The following C2CD2L variants were observed in gnomAD, a reference collection of about 807,000 sequenced individuals.
C2CD2L encodes the protein phospholipid transfer protein C2CD2L.
In C2CD2L, 24 loss-of-function variants were observed where a neutral mutation model predicts 69.9. The observed-to-expected ratio is 0.34, with a 90% CI of 0.25 to 0.48. The LOEUF (loss-of-function observed/expected upper bound fraction) is 0.48. Ranked by LOEUF, C2CD2L falls within the 20% of genes least tolerant of loss-of-function variation. The pLI is 0.99. For missense variants in C2CD2L, 811 were observed against 941.5 expected (o/e 0.86, Z 1.81); for synonymous variants, 367 against 391.0 (o/e 0.94, Z 0.72).
intron 1 of C2CD2L, among the ~76,000 whole-genome samples, chr11:119,108,523 C>G (rs1449991552): frequency 6.6e-6 from 1 of 152,112 alleles, no homozygotes; most frequent in African/African-American, 2.4e-5. Context: ...CCCCAAGGAG[C>G]CTGAATCACC....
At position 119,109,373 on chromosome 11, in the gene C2CD2L, T is replaced by G. The variant is rs934180605; in HGVS notation, c.355-731T>G. 7.2e-5 allele frequency among the ~76,000 whole-genome samples: 11 copies of G among 152,362 alleles called. No homozygotes were observed. Among genetic ancestry groups the G allele is most frequent in the African/African-American group, 2.6e-4 (11 of 41,572 alleles). ...GGCTGCGGTAGGTTGCTTCCATTAC[T>G]GTGGACGAATTAGGGAGCAGCTCTT... On this transcript the variant is annotated intron_variant, in intron 1 of 13. Transcript: ENST00000648610. This position sits in a 1 kb window ranked among gnomAD's most constrained non-coding sequence, Gnocchi z 5.1.
At position 119,112,553 on chromosome 11, in the gene C2CD2L, C is replaced by T; in HGVS notation, c.1156C>T (p.Pro386Ser). Residue 386 changes from proline (P) to serine (S), a missense_variant, in exon 9 of 14, where the codon CCA becomes TCA. By Grantham distance (74) the Pro-to-Ser change is moderately conservative. Transcript: ENST00000648610. ...SRPLSRRQLC[P>S]LTPGPGKALG... ...ACCACTGTCTCGAAGACAGTTGTGC[C>T]CACTCACCCCAGGGCCAGGGAAAGC... is the stretch of plus-strand genomic sequence containing the variant. 1 of 1,613,230 alleles carries T rather than the reference C, an allele frequency of 6.2e-7. No individual in the cohort carries two copies. The highest frequency in any genetic ancestry group is 8.5e-7 in the Non-Finnish European group (1 of 1,179,786).
upstream of C2CD2L, among the ~76,000 whole-genome samples, chr11:119,103,482 A>T (rs1946542129): frequency 6.6e-6 from 1 of 152,128 alleles, no homozygotes; most frequent in South Asian, 2.1e-4. Context: ...GGCTCACTTG[A>T]GGTCAGGAGT....
Position 119,112,737 on chromosome 11 carries a change from C to T in C2CD2L, c.1250C>T (p.Thr417Ile). The T allele has an allele frequency of 6.2e-7, 1 of 1,613,986 alleles. No homozygotes were observed. Residue 417 changes from threonine to isoleucine, a missense_variant, in exon 10 of 14, where the codon ACT (threonine) becomes ATT (isoleucine). By Grantham distance (89) the Thr-to-Ile change is moderately conservative. Transcript: ENST00000648610. ...GAGGGCTCTCCCCGGAACCTGGGTACTCCCACCTCCTCCACTCCACGCCCC... is the reference window on the plus strand; with the variant it reads ...GAGGGCTCTCCCCGGAACCTGGGTATTCCCACCTCCTCCACTCCACGCCCC... ...YEEGSPRNLG[T>I]PTSSTPRPSI...
chr11:119,111,010 T>TGG, intron 4 of C2CD2L, 42 bp from the exon 5 acceptor site: 1 of 1,612,886 alleles, frequency 6.2e-7, no homozygotes, highest in South Asian at 1.1e-5. Flanking sequence ...GAGGCAGAGG[T>TGG]GGGGGATCCA....
rs776688172 is a variant in C2CD2L at position 119,113,835 on chromosome 11, A to C, written c.1490-20A>C. 1.9e-6 allele frequency: 3 copies of C among 1,613,064 alleles called. No homozygotes were observed. In the Admixed American group the frequency reaches 5.0e-5, roughly 27 times the overall value. On this transcript the variant is annotated intron_variant, in intron 11 of 13. Coordinates refer to ENST00000648610, the MANE Select transcript of C2CD2L (RefSeq NM_001290474.2). ...GAGCCAGGGAGAAGTCAGGTTATTCATTCTCTGCACCCCTAGCAGGGGACA... is the reference window on the plus strand; with the variant it reads ...GAGCCAGGGAGAAGTCAGGTTATTCCTTCTCTGCACCCCTAGCAGGGGACA...
In C2CD2L at chr11:119,114,143, G is replaced by C. The variant is rs530969539; in HGVS notation, c.1687G>C (p.Val563Leu). The change falls in exon 13 of 14, where the codon GTG becomes CTG. Residue 563 changes from valine (V) to leucine (L), a missense_variant. Coordinates refer to ENST00000648610, the MANE Select transcript of C2CD2L (RefSeq NM_001290474.2). This position sits in a 1 kb window ranked among gnomAD's most constrained non-coding sequence, Gnocchi z 5.1. ...LGYAASLEAS[V>L]QDDAGTSGGP... ...CTATGCGGCATCCCTGGAAGCCTCA[G>C]TGCAGGATGATGCAGGGACCAGCGG... is the stretch of plus-strand genomic sequence containing the variant. 1.9e-5 allele frequency: 31 copies of C among 1,614,148 alleles called. No homozygotes were observed. In the Admixed American group the frequency reaches 4.5e-4, roughly 23 times the overall value.
rs1946830303 is a variant in C2CD2L, at chr11:119,114,290, C to T, written c.1834C>T (p.Pro612Ser). 1 of 1,614,050 alleles carries T rather than the reference C, an allele frequency of 6.2e-7. No homozygotes were observed. Among genetic ancestry groups the T allele is most frequent in the African/African-American group, 1.3e-5 (1 of 74,908 alleles). Residue 612 changes from proline (P) to serine (S), a missense_variant, in exon 13 of 14, where the codon CCA becomes TCA. Coordinates refer to ENST00000648610, the MANE Select transcript of C2CD2L (RefSeq NM_001290474.2). This position sits in a 1 kb window ranked among gnomAD's most constrained non-coding sequence, Gnocchi z 5.1. ...ETTRSDISERPSVDDIESETG... is the reference protein window; with the variant it reads ...ETTRSDISERSSVDDIESETG... ...AACCCGTTCGGATATTTCTGAGAGGCCATCTGTGGATGATATTGAGTCGGA... is the reference window on the plus strand; with the variant it reads ...AACCCGTTCGGATATTTCTGAGAGGTCATCTGTGGATGATATTGAGTCGGA...
upstream of C2CD2L, chr11:119,102,296 G>A (rs1289947976): frequency 2.1e-6 from 1 of 472,874 alleles, no homozygotes; most frequent in Non-Finnish European, 4.4e-6. Context: ...GAAAGGCAGG[G>A]GGTGGGGAGG....
In C2CD2L at chr11:119,114,510, G is replaced by A; in HGVS notation, c.1909+145G>A. On this transcript the variant is annotated intron_variant, in intron 13 of 13. Transcript: ENST00000648610. The surrounding 1 kb of genome is among the most constrained non-coding windows in gnomAD (Gnocchi z 5.1). Reference sequence around the variant, plus strand: ...CTAGTTCAGCCAAGCTAGCCTAGAGGGGGATCTTGGTGCCTTGGTTCCTGG... The same window carrying A: ...CTAGTTCAGCCAAGCTAGCCTAGAGAGGGATCTTGGTGCCTTGGTTCCTGG... 3 of 759,614 alleles carry A rather than the reference G, an allele frequency of 3.9e-6. No homozygotes were observed. Among genetic ancestry groups the A allele is most frequent in the Non-Finnish European group, 6.3e-6 (3 of 472,886 alleles). 47.1% of individuals were successfully genotyped at this position (759,614 alleles called of 1,614,324 possible). A position where few individuals can be genotyped will look rare whatever the true frequency, so the allele number is the denominator to read the frequency against.
In C2CD2L at chr11:119,114,173, C is replaced by T; in HGVS notation, c.1717C>T (p.Pro573Ser). ...GGATGATGCAGGGACCAGCGGAGGC[C>T]CCTCTTCACCTCCCTCAGACCCACC... ...VQDDAGTSGG[P>S]SSPPSDPPAM... The change falls in exon 13 of 14, where the codon CCC (proline) becomes TCC (serine). Residue 573 changes from proline to serine, a missense_variant. Pro to Ser is a moderately conservative substitution (Grantham distance 74). Transcript: ENST00000648610. The surrounding 1 kb of genome is among the most constrained non-coding windows in gnomAD (Gnocchi z 5.1). 1 of 1,614,106 alleles carries T rather than the reference C, an allele frequency of 6.2e-7. No individual in the cohort carries two copies. The highest frequency in any genetic ancestry group is 8.5e-7 in the Non-Finnish European group (1 of 1,180,004).
In C2CD2L at chr11:119,110,238, G is replaced by A. The variant is rs771956672; in HGVS notation, c.450+39G>A. On this transcript the variant is annotated intron_variant, in intron 2 of 13. Coordinates refer to ENST00000648610, the MANE Select transcript of C2CD2L (RefSeq NM_001290474.2). This position sits in a 1 kb window ranked among gnomAD's most constrained non-coding sequence, Gnocchi z 5.7. ...GGGCACTGCCCTCTTTGGGGTCCAA[G>A]AAGGACTGACCCCAAGGGCTCCCTT... is the stretch of plus-strand genomic sequence containing the variant. 20 of 1,451,064 alleles carry A rather than the reference G, an allele frequency of 1.4e-5. No individual in the cohort carries two copies. Among genetic ancestry groups the A allele is most frequent in the African/African-American group, 5.6e-5 (4 of 71,610 alleles). The allele number at this position is 1,451,064 out of a possible 1,614,324, so 89.9% of individuals were successfully genotyped here.
intron 10 of C2CD2L, chr11:119,113,371 C>A: frequency 1.8e-6 from 1 of 549,044 alleles, no homozygotes; most frequent in Non-Finnish European, 3.2e-6. Context: ...GTCCCCGCTC[C>A]ATATTTTCAT....
Position 119,110,234 on chromosome 11 carries a change from C to A in C2CD2L, c.450+35C>A. The A allele has an allele frequency of 1.4e-6, 2 of 1,475,200 alleles. No individual in the cohort carries two copies. The highest frequency in any genetic ancestry group is 2.3e-5 in the South Asian group (2 of 88,270). The allele number at this position is 1,475,200 out of a possible 1,614,324, so 91.4% of individuals were successfully genotyped here. ...TGATGGGCACTGCCCTCTTTGGGGT[C>A]CAAGAAGGACTGACCCCAAGGGCTC... is the stretch of plus-strand genomic sequence containing the variant. On this transcript the variant is annotated intron_variant, in intron 2 of 13. Coordinates refer to ENST00000648610, the MANE Select transcript of C2CD2L (RefSeq NM_001290474.2). This position sits in a 1 kb window ranked among gnomAD's most constrained non-coding sequence, Gnocchi z 5.7.
In C2CD2L at chr11:119,116,365, G is replaced by A. The variant is rs916005021; in HGVS notation, c.*109G>A. On this transcript the variant is annotated 3_prime_UTR_variant, in exon 14 of 14. Coordinates refer to ENST00000648610, the MANE Select transcript of C2CD2L (RefSeq NM_001290474.2). ...GGGCCAGGAAAGCCCTCTGGGTTCCGGGAAGCCCCGTCCACCCTGGGCCAT... is the reference window on the plus strand; with the variant it reads ...GGGCCAGGAAAGCCCTCTGGGTTCCAGGAAGCCCCGTCCACCCTGGGCCAT... The A allele has an allele frequency of 8.7e-6, 8 of 914,942 alleles. No individual in the cohort carries two copies. Among genetic ancestry groups the A allele is most frequent in the African/African-American group, 6.6e-5 (4 of 60,952 alleles). 56.7% of individuals were successfully genotyped at this position (914,942 alleles called of 1,614,324 possible). A position where few individuals can be genotyped will look rare whatever the true frequency, so the allele number is the denominator to read the frequency against.
chr11:119,118,207 T>A lies in C2CD2L; in HGVS notation c.*1951T>A, dbSNP rs1946937759. 6.6e-6 allele frequency: 1 copy of A among 152,210 alleles called. No individual in the cohort carries two copies. Among genetic ancestry groups the A allele is most frequent in the Non-Finnish European group, 1.5e-5 (1 of 68,040 alleles). The allele number at this position is 152,210 out of a possible 1,614,324, so 9.4% of individuals were successfully genotyped here. Reference sequence around the variant, plus strand: ...GTGCGCATCGCCCAAATAGTGAACATCATACCCAATAGGTAGTTTTTCAAC... The same window carrying A: ...GTGCGCATCGCCCAAATAGTGAACAACATACCCAATAGGTAGTTTTTCAAC... On this transcript the variant is annotated 3_prime_UTR_variant, in exon 14 of 14. Coordinates refer to ENST00000648610, the MANE Select transcript of C2CD2L (RefSeq NM_001290474.2).
rs749804536 is a variant in C2CD2L, at chr11:119,114,383, G to A, written c.1909+18G>A. ...TCACAAAGGTAGGGGGACGTTGGCA[G>A]GGTGCCCCTCATCTCTTCTTTTATA... On this transcript the variant is annotated intron_variant, in intron 13 of 13. Transcript: ENST00000648610. The surrounding 1 kb of genome is among the most constrained non-coding windows in gnomAD (Gnocchi z 5.1). 1 of 1,612,490 alleles carries A rather than the reference G, an allele frequency of 6.2e-7. No individual in the cohort carries two copies. The highest frequency in any genetic ancestry group is 8.5e-7 in the Non-Finnish European group (1 of 1,179,144).
At chr11:119,113,418 T>A in intron 10 of C2CD2L, 193 bp from the exon 11 acceptor site, 1 of 762,508 alleles carries the variant, frequency 1.3e-6, no homozygotes, top group Non-Finnish European at 2.0e-6. Flanking sequence ...CCCATGGCAC[T>A]TTCCTACACT....
At chr11:119,103,787 T>C (rs1044714530), upstream of C2CD2L, among the ~76,000 whole-genome samples, 1 of 152,230 alleles carries the variant, frequency 6.6e-6, no homozygotes, top group African/African-American at 2.4e-5. Context: ...CCCAGATATG[T>C]ATAAAATACA....
Sources: gnomAD v4.1 joint callset for allele counts (sites outside exome capture counted in the v4.1 genomes callset) on GRCh38, gnomAD v4.1.1 for gene constraint, Gnocchi (gnomAD v3.1) non-coding constraint, MANE v1.5 for transcripts, NCBI Gene and HGNC (gene_info 2026-07-23, HGNC 2026-07-21) for gene names.